Variants in SORT1 observed in about 807,000 individuals in gnomAD.
SORT1 encodes sortilin 1.
Under a neutral mutation model 101.7 loss-of-function variants are expected in SORT1, and 39 were observed. The ratio of observed to expected loss-of-function variants is 0.38; its 90% CI spans 0.30 to 0.50. The LOEUF (loss-of-function observed/expected upper bound fraction) is 0.50, where lower values mean the gene tolerates loss of function less well. Ranked by LOEUF, SORT1 falls within the 20% of genes least tolerant of loss-of-function variation. The pLI is 0.90. For synonymous variants in SORT1, 396 were observed against 393.7 expected, an observed-to-expected ratio of 1.01 and a Z score of -0.07; for missense variants, 878 against 1,040.4, an observed-to-expected ratio of 0.84 and a Z score of 2.15.
chr1:109,364,234 C>T (rs1650933611), intron 3 of SORT1, among the ~76,000 whole-genome samples: 1 of 152,086 alleles, frequency 6.6e-6, no homozygotes, highest in Non-Finnish European at 1.5e-5. Flanking sequence ...TGAAAAAAGG[C>T]TGAGTCTGAT....
chr1:109,332,208 A>C (rs1046506297), intron 11 of SORT1, among the ~76,000 whole-genome samples: 2 of 152,212 alleles, frequency 1.3e-5, no homozygotes, highest in African/African-American at 4.8e-5. Flanking sequence ...GTGACAACAC[A>C]GAACAATCCA....
At chr1:109,380,405 G>T (rs544698875) in intron 1 of SORT1, among the ~76,000 whole-genome samples, 43 of 152,034 alleles carry the variant, frequency 2.8e-4, no homozygotes, top group African/African-American at 8.7e-4. Context: ...CTCTGACTAT[G>T]TAAAAAGTTT....
rs947385832 is a variant in SORT1, at chr1:109,323,155, C to T, written c.1835-34G>A. The T allele has an allele frequency of 5.2e-6, 8 of 1,524,732 alleles. No homozygotes were observed. The African/African-American group carries it at 8.2e-5, about 16-fold the overall frequency. The allele number at this position is 1,524,732 out of a possible 1,614,324, so 94.5% of individuals were successfully genotyped here. A position where few individuals can be genotyped will look rare whatever the true frequency, so the allele number is the denominator to read the frequency against. On this transcript the variant is annotated intron_variant, in intron 14 of 19. Coordinates refer to ENST00000256637, the MANE Select transcript of SORT1 (RefSeq NM_002959.7). Reference sequence around the variant, plus strand: ...GAGACACACTGTTCAGGAAAGTACACAGCACAGAACCCACCCACGGGAGGC... The same window carrying T: ...GAGACACACTGTTCAGGAAAGTACATAGCACAGAACCCACCCACGGGAGGC...
At chr1:109,314,863 C>A in intron 17 of SORT1, 85 bp from the exon 18 acceptor site, 1 of 709,130 alleles carries the variant, frequency 1.4e-6, no homozygotes, top group Non-Finnish European at 2.5e-6. Context: ...TTCCCCTCAT[C>A]TCTTTGTGAA....
At chr1:109,350,542 A>G (rs2101596905) in intron 6 of SORT1, among the ~76,000 whole-genome samples, 1 of 152,342 alleles carries the variant, frequency 6.6e-6, no homozygotes, top group Admixed American at 6.5e-5. Context: ...GCCATGTTCT[A>G]CATGACTGAA....
At chr1:109,322,571 C>T (rs1451368311) in intron 15 of SORT1, among the ~76,000 whole-genome samples, 1 of 152,196 alleles carries the variant, frequency 6.6e-6, no homozygotes, top group Non-Finnish European at 1.5e-5. Context: ...CTCTGTCCCC[C>T]AGGCTGGAGT....
At chr1:109,371,555 T>C (rs1651484706) in intron 1 of SORT1, among the ~76,000 whole-genome samples, 2 of 152,206 alleles carry the variant, frequency 1.3e-5, no homozygotes, top group South Asian at 2.1e-4. Flanking sequence ...CTGTAAGATA[T>C]CAGTCTTGAG....
chr1:109,381,444 T>TA (rs1652227717), intron 1 of SORT1, among the ~76,000 whole-genome samples: 1 of 152,060 alleles, frequency 6.6e-6, no homozygotes, highest in Non-Finnish European at 1.5e-5. Flanking sequence ...AAGAAACGTT[T>TA]AAAAAAATCT....
intron 11 of SORT1, among the ~76,000 whole-genome samples, chr1:109,334,837 T>C (rs1049316674): frequency 6.6e-6 from 1 of 152,064 alleles, no homozygotes. Context: ...AAAAAAGAAA[T>C]GTATTGTCAG....
In SORT1 at chr1:109,397,572, C is replaced by A; in HGVS notation, c.306+15G>T. 1 of 1,186,386 alleles carries A rather than the reference C, an allele frequency of 8.4e-7. No homozygotes were observed. Among genetic ancestry groups the A allele is most frequent in the Admixed American group, 4.2e-5 (1 of 23,650 alleles). The allele number at this position is 1,186,386 out of a possible 1,614,324, so 73.5% of individuals were successfully genotyped here. ...CCTCGCACCCGAGCGGCTCCCGGGC[C>A]CGGCGCCCGCTCACCTGGTGCGTGT... On this transcript the variant is annotated intron_variant, in intron 1 of 19. Coordinates refer to ENST00000256637, the MANE Select transcript of SORT1 (RefSeq NM_002959.7).
chr1:109,345,657 CA>C, intron 8 of SORT1, 93 bp downstream of exon 8: 1 of 1,247,054 alleles, frequency 8.0e-7, no homozygotes, highest in Non-Finnish European at 1.1e-6. Context: ...AACAAAAAGA[CA>C]AGAAACTCTG....
chr1:109,323,260 A>G, intron 14 of SORT1, 139 bp from the exon 15 acceptor site: 1 of 612,204 alleles, frequency 1.6e-6, no homozygotes, highest in Non-Finnish European at 2.9e-6. Flanking sequence ...TTGGAATTGC[A>G]AACAAAAAGT....
intron 13 of SORT1, 142 bp from the exon 14 acceptor site, chr1:109,325,231 C>CTTTTTTTTTTTTT (rs35552184): frequency 5.5e-6 from 1 of 183,352 alleles, no homozygotes. Context: ...ATTATTTTAA[C>CTTTTTTTTTTTTT]TTTTTTTTTT....
intron 11 of SORT1, among the ~76,000 whole-genome samples, chr1:109,334,849 A>C (rs1426766503): frequency 6.6e-6 from 1 of 152,218 alleles, no homozygotes; most frequent in Non-Finnish European, 1.5e-5. Flanking sequence ...TATTGTCAGA[A>C]ACTAGTTGAG....
intron 13 of SORT1, among the ~76,000 whole-genome samples, chr1:109,326,464 T>TATATATATATAC (rs1403742313): frequency 1.4e-4 from 9 of 64,106 alleles, no homozygotes; most frequent in African/African-American, 5.4e-4. Context: ...TATATATATA[T>TATATATATATAC]ACATACACAC....
chr1:109,389,322 G>A (rs1021697303), intron 1 of SORT1, among the ~76,000 whole-genome samples: 2 of 150,608 alleles, frequency 1.3e-5, no homozygotes, highest in Non-Finnish European at 3.0e-5. Flanking sequence ...GTTGAGCTCT[G>A]TTGAGGGTAC....
Position 109,336,251 on chromosome 1 carries a change from T to G in SORT1, c.1360A>C (p.Asn454His), listed in dbSNP as rs767544599. The G allele has an allele frequency of 6.8e-6, 11 of 1,609,954 alleles. No homozygotes were observed. The highest frequency in any genetic ancestry group is 9.4e-6 in the Non-Finnish European group (11 of 1,176,094). ...ENSECDATAK[N>H]KNECSLHIHA... ...TAGAGTAAACAAACCTCATTCTTGT[T>G]TTTTGCTGTAGCATCACATTCACTG... The change falls in exon 11 of 20, where the codon AAC (asparagine) becomes CAC (histidine). Residue 454 changes from asparagine (N) to histidine (H), a missense_variant. Asn to His is a moderately conservative substitution (Grantham distance 68). Around this residue, in one of 2 missense-constraint regions of SORT1, gnomAD observed 684 missense variants for 894.5 expected, o/e 0.76. Coordinates refer to ENST00000256637, the MANE Select transcript of SORT1 (RefSeq NM_002959.7).
chr1:109,323,243 C>CCTG, intron 14 of SORT1, 122 bp from the exon 15 acceptor site: 1 of 668,288 alleles, frequency 1.5e-6, no homozygotes, highest in East Asian at 2.6e-5. Context: ...CAACCTATTC[C>CCTG]TTCATTTTGG....
chr1:109,390,363 A>G (rs575357216), intron 1 of SORT1, among the ~76,000 whole-genome samples: 2 of 152,288 alleles, frequency 1.3e-5, no homozygotes, highest in East Asian at 1.9e-4. Context: ...TGACATCTAT[A>G]TAGTACTTTA....
Sources: allele counts gnomAD v4.1 joint callset (sites outside exome capture counted in the v4.1 genomes callset), GRCh38; gene constraint gnomAD v4.1.1; regional missense constraint gnomAD v4.1.1; transcripts MANE v1.5; gene names NCBI Gene and HGNC (gene_info 2026-07-23, HGNC 2026-07-21).